Variants in ANKRD34B observed in about 807,000 individuals in gnomAD.
ANKRD34B encodes ankyrin repeat domain-containing protein 34B.
ANKRD34B carries 2 observed loss-of-function variants against 4.4 expected under a neutral mutation model. The ratio of observed to expected loss-of-function variants is 0.46; its 90% CI spans 0.19 to 1.44. The LOEUF (loss-of-function observed/expected upper bound fraction) is 1.44. Ranked by LOEUF, ANKRD34B falls within the 40% of genes most tolerant of loss-of-function variation. The pLI, the probability that ANKRD34B is intolerant of heterozygous loss-of-function variation, is 0.26. For missense variants in ANKRD34B, 558 were observed against 604.7 expected, an observed-to-expected ratio of 0.92 and a Z score of 0.81; for synonymous variants, 226 against 227.1, an observed-to-expected ratio of 0.99 and a Z score of 0.05.
Position 80,558,638 on chromosome 5 carries a change from G to A in ANKRD34B, c.1382C>T (p.Ser461Leu). 1 of 1,614,176 alleles carries A rather than the reference G, an allele frequency of 6.2e-7. No homozygotes were observed. The highest frequency in any genetic ancestry group is 8.5e-7 in the Non-Finnish European group (1 of 1,180,036). Residue 461 changes from serine (S) to leucine (L), a missense_variant, in exon 5 of 5, where the codon TCA (serine) becomes TTA (leucine). Physicochemically the swap from Ser to Leu is moderately radical, Grantham distance 145. Transcript: ENST00000338682. ...PLNVNSHPPI[S>L]DINVNNKICS... ...AATCTTGTTGTTGACATTGATATCT[G>A]AGATGGGAGGGTGAGAATTTACATT...
Position 80,563,789 on chromosome 5 carries a change from C to G in ANKRD34B, c.-78G>C, listed in dbSNP as rs1442797186. 6.6e-6 allele frequency: 1 copy of G among 152,198 alleles called. No individual in the cohort carries two copies. The highest frequency in any genetic ancestry group is 1.5e-5 in the Non-Finnish European group (1 of 68,046). The allele number at this position is 152,198 out of a possible 1,614,324, so 9.4% of individuals were successfully genotyped here. A position where few individuals can be genotyped will look rare whatever the true frequency, so the allele number is the denominator to read the frequency against. ...TCAGTTGACAGCTTGGGTCCCAACT[C>G]AGAGGTCTATTCTGAATGCAAAGCA... On this transcript the variant is annotated 5_prime_UTR_variant, in exon 4 of 5. Coordinates refer to ENST00000338682, the MANE Select transcript of ANKRD34B (RefSeq NM_001004441.3).
rs1056270004 is a variant in ANKRD34B at position 80,559,203 on chromosome 5, G to T, written c.817C>A (p.Pro273Thr). 1 of 1,614,136 alleles carries T rather than the reference G, an allele frequency of 6.2e-7. No individual in the cohort carries two copies. Among genetic ancestry groups the T allele is most frequent in the Middle Eastern group, 1.6e-4 (1 of 6,062 alleles). The change falls in exon 5 of 5, where the codon CCA becomes ACA. Residue 273 changes from proline to threonine, a missense_variant. By Grantham distance (38) the Pro-to-Thr change is conservative. Transcript: ENST00000338682. ...SLQEELQDIT[P>T]EEELSYKTNG... is the part of the protein sequence containing the mutation. ...GTTTTATAGGATAGTTCTTCCTCTG[G>T]TGTAATATCCTGGAGCTCCTCTTGC...
chr5:80,564,055 A>G (rs1302061110), intron 3 of ANKRD34B, among the ~76,000 whole-genome samples: 1 of 152,228 alleles, frequency 6.6e-6, no homozygotes, highest in Non-Finnish European at 1.5e-5. Context: ...AAGTTGCCAG[A>G]TACCAGATTT....
chr5:80,562,882 A>G (rs977660580), intron 4 of ANKRD34B, among the ~76,000 whole-genome samples: 2 of 152,148 alleles, frequency 1.3e-5, no homozygotes, highest in Non-Finnish European at 2.9e-5. Flanking sequence ...CCCTTTAACC[A>G]TGAGCAGCCA....
In ANKRD34B at chr5:80,558,178, GC is replaced by G. The variant is rs1383784107; in HGVS notation, c.*296del. ...TTTAAAAATTACCCCAACATACGTG[GC>G]CTTCTTTCTTTGATTTTTTTTTAAT... On this transcript the variant is annotated 3_prime_UTR_variant, in exon 5 of 5. Transcript: ENST00000338682. 1 of 188,528 alleles carries G rather than the reference GC, an allele frequency of 5.3e-6. No individual in the cohort carries two copies. Among genetic ancestry groups the G allele is most frequent in the Non-Finnish European group, 1.1e-5 (1 of 92,924 alleles). 11.7% of individuals were successfully genotyped at this position (188,528 alleles called of 1,614,324 possible).
At chr5:80,563,084 T>C (rs1002314364) in intron 4 of ANKRD34B, among the ~76,000 whole-genome samples, 2 of 152,256 alleles carry the variant, frequency 1.3e-5, no homozygotes, top group African/African-American at 4.8e-5. Context: ...TCTAATTTTG[T>C]ACCTGCTACT....
intron 3 of ANKRD34B, among the ~76,000 whole-genome samples, chr5:80,566,131 T>C (rs1049068666): frequency 1.3e-5 from 2 of 152,106 alleles, no homozygotes; most frequent in African/African-American, 4.8e-5. Flanking sequence ...AGAGATACCA[T>C]TAGATGAGCA....
In ANKRD34B at chr5:80,559,464, G is replaced by C. The variant is rs200982763; in HGVS notation, c.556C>G (p.Pro186Ala). 3.1e-5 allele frequency: 50 copies of C among 1,614,186 alleles called. No homozygotes were observed. In the African/African-American group the frequency reaches 4.3e-4, roughly 14 times the overall value. ...GCHSPATCTTPSEIDIKTASS... is the reference protein window; with the variant it reads ...GCHSPATCTTASEIDIKTASS... ...GCAGTTTTGATGTCTATTTCTGAAG[G>C]AGTGGTGCAGGTAGCTGGGGAATGA... Residue 186 changes from proline to alanine, a missense_variant, in exon 5 of 5, where the codon CCT becomes GCT. Coordinates refer to ENST00000338682, the MANE Select transcript of ANKRD34B (RefSeq NM_001004441.3).
chr5:80,567,410 C>G (rs912751647), intron 2 of ANKRD34B, among the ~76,000 whole-genome samples: 6 of 151,402 alleles, frequency 4.0e-5, no homozygotes, highest in African/African-American at 1.5e-4. Flanking sequence ...CAACTGAGGT[C>G]AAGAGTTTGA....
rs1580474968 is a variant in ANKRD34B at position 80,557,100 on chromosome 5, T to A, written c.*1375A>T. ...GCCAATTGTTAGGATCACCTCTACT[T>A]GGAAGGCAAAGAAAGTTGTACGTGA... is the stretch of plus-strand genomic sequence containing the variant. On this transcript the variant is annotated 3_prime_UTR_variant, in exon 5 of 5. Transcript: ENST00000338682. 6.6e-6 allele frequency: 1 copy of A among 152,578 alleles called. No individual in the cohort carries two copies. 9.5% of individuals were successfully genotyped at this position (152,578 alleles called of 1,614,324 possible).
chr5:80,559,632 C>G lies in ANKRD34B; in HGVS notation c.388G>C (p.Asp130His). ...AGAAGAACTTTCAGGGTCTCTGTATCTTCTGAATTTATAGCATAAACAAGA... is the reference window on the plus strand; with the variant it reads ...AGAAGAACTTTCAGGGTCTCTGTATGTTCTGAATTTATAGCATAAACAAGA... ...SALVYAINSE[D>H]TETLKVLLSA... Residue 130 changes from aspartate to histidine, a missense_variant, in exon 5 of 5, where the codon GAT (aspartate) becomes CAT (histidine). Physicochemically the swap from Asp to His is moderately conservative, Grantham distance 81. Coordinates refer to ENST00000338682, the MANE Select transcript of ANKRD34B (RefSeq NM_001004441.3). 6.2e-7 allele frequency: 1 copy of G among 1,614,182 alleles called. No homozygotes were observed. The highest frequency in any genetic ancestry group is 8.5e-7 in the Non-Finnish European group (1 of 1,180,046).
At chr5:80,568,580 G>A (rs1190584865) in intron 2 of ANKRD34B, among the ~76,000 whole-genome samples, 1 of 152,150 alleles carries the variant, frequency 6.6e-6, no homozygotes, top group Admixed American at 6.5e-5. Flanking sequence ...ACTGGAATAA[G>A]GCAAGCCTGC....
Position 80,558,982 on chromosome 5 carries a change from A to C in ANKRD34B, c.1038T>G (p.Ser346=), listed in dbSNP as rs760517887. ...AGGTGGAAGCAAATATTGTCTGGTT[A>C]GAATCTGGGTCCTGGTCAACAGGGA... is the stretch of plus-strand genomic sequence containing the variant. The part of the protein sequence containing the change: ...IEVPVDQDPD[S]NQTIFASTLR... The change falls in exon 5 of 5, where the codon TCT becomes TCG. Residue 346 remains serine, a synonymous_variant. Transcript: ENST00000338682. 1.4e-5 allele frequency: 22 copies of C among 1,614,096 alleles called. No individual in the cohort carries two copies. Among genetic ancestry groups the C allele is most frequent in the Non-Finnish European group, 1.8e-5 (21 of 1,180,048 alleles).
In ANKRD34B at chr5:80,557,048, A is replaced by G. The variant is rs1746255273; in HGVS notation, c.*1427T>C. 1.3e-5 allele frequency: 2 copies of G among 152,602 alleles called. No homozygotes were observed. The highest frequency in any genetic ancestry group is 1.5e-5 in the Non-Finnish European group (1 of 68,028). 9.5% of individuals were successfully genotyped at this position (152,602 alleles called of 1,614,324 possible). On this transcript the variant is annotated 3_prime_UTR_variant, in exon 5 of 5. Transcript: ENST00000338682. Reference sequence around the variant, plus strand: ...TTACTATGTACATTACAACTTGCTTATATCAAATTACCAAGAAAAGCATCA... The same window carrying G: ...TTACTATGTACATTACAACTTGCTTGTATCAAATTACCAAGAAAAGCATCA...
chr5:80,562,496 G>A (rs1445416469), intron 4 of ANKRD34B, among the ~76,000 whole-genome samples: 1 of 152,198 alleles, frequency 6.6e-6, no homozygotes, highest in Non-Finnish European at 1.5e-5. Context: ...AGGGGAATAA[G>A]TGATTGCTTA....
rs1746359755 is a variant in ANKRD34B at position 80,559,681 on chromosome 5, C to A, written c.339G>T (p.Leu113Phe). The A allele has an allele frequency of 1.2e-6, 2 of 1,614,194 alleles. No individual in the cohort carries two copies. Among genetic ancestry groups the A allele is most frequent in the Non-Finnish European group, 1.7e-6 (2 of 1,180,038 alleles). Residue 113 changes from leucine to phenylalanine, a missense_variant, in exon 5 of 5, where the codon TTG (leucine) becomes TTT (phenylalanine). Physicochemically the swap from Leu to Phe is conservative, Grantham distance 22 (BLOSUM62 0). Coordinates refer to ENST00000338682, the MANE Select transcript of ANKRD34B (RefSeq NM_001004441.3). ...GAGCTGAGTAACTAGAATGGTCTTGCAAGCTGAGGTCAGCCCCACTCTTGA... is the reference window on the plus strand; with the variant it reads ...GAGCTGAGTAACTAGAATGGTCTTGAAAGCTGAGGTCAGCCCCACTCTTGA... Reference protein sequence around the residue: ...LLLKSGADLSLQDHSSYSALV... With the variant: ...LLLKSGADLSFQDHSSYSALV...
intron 3 of ANKRD34B, among the ~76,000 whole-genome samples, chr5:80,565,186 G>C (rs907685115): frequency 2.0e-5 from 3 of 152,318 alleles, no homozygotes; most frequent in Non-Finnish European, 4.4e-5. Context: ...TCCTTTTCCA[G>C]GGGTTCTTTT....
In ANKRD34B at chr5:80,559,518, T is replaced by A; in HGVS notation, c.502A>T (p.Asn168Tyr). 6.2e-7 allele frequency: 1 copy of A among 1,614,212 alleles called. No homozygotes were observed. The highest frequency in any genetic ancestry group is 1.3e-5 in the African/African-American group (1 of 75,046). Residue 168 changes from asparagine to tyrosine, a missense_variant, in exon 5 of 5, where the codon AAT becomes TAT. By Grantham distance (143) the Asn-to-Tyr change is moderately radical. Transcript: ENST00000338682. ...CGKHTTKQYL[N>Y]MPPVDIDGCH... ...CCATCTATATCCACAGGAGGCATAT[T>A]TAAGTATTGTTTAGTAGTATGCTTC...
Position 80,559,310 on chromosome 5 carries a change from G to T in ANKRD34B, c.710C>A (p.Pro237His). The change falls in exon 5 of 5, where the codon CCT becomes CAT. Residue 237 changes from proline to histidine, a missense_variant. Physicochemically the swap from Pro to His is moderately conservative, Grantham distance 77. Transcript: ENST00000338682. ...GSPVRKPALAPKGPKLPHAPP... is the reference protein window; with the variant it reads ...GSPVRKPALAHKGPKLPHAPP... ...AGCGTGGGGGAGCTTGGGCCCCTTA[G>T]GGGCCAATGCAGGTTTCCTCACAGG... The T allele has an allele frequency of 6.2e-7, 1 of 1,614,100 alleles. No individual in the cohort carries two copies. The highest frequency in any genetic ancestry group is 8.5e-7 in the Non-Finnish European group (1 of 1,180,022).
Sources: allele counts gnomAD v4.1 joint callset (sites outside exome capture counted in the v4.1 genomes callset), GRCh38; gene constraint gnomAD v4.1.1; transcripts MANE v1.5; gene names NCBI Gene and HGNC (gene_info 2026-07-23, HGNC 2026-07-21).